GSK3B: variants seen among roughly 807,000 people sequenced by gnomAD.
GSK3B encodes the protein glycogen synthase kinase-3 beta.
In GSK3B, 15 loss-of-function variants were observed where a neutral mutation model predicts 56.4. The observed-to-expected ratio is 0.27, with a 90% CI of 0.18 to 0.41. The LOEUF (loss-of-function observed/expected upper bound fraction) is 0.41. Among genes scored for constraint, GSK3B ranks in the 10% least tolerant of loss-of-function variants. The pLI is 1.00. For synonymous variants in GSK3B, 181 were observed against 188.9 expected (o/e 0.96, Z 0.34); for missense variants, 300 against 513.4 (o/e 0.58, Z 4.02).
intron 1 of GSK3B, among the ~76,000 whole-genome samples, chr3:120,086,018 AC>A (rs2058460657): frequency 2.0e-5 from 3 of 152,138 alleles, no homozygotes; most frequent in Admixed American, 2.0e-4. Flanking sequence ...CAATTAAGAT[AC>A]CCAGCTTTTC....
At chr3:119,979,872 T>C (rs79968834) in intron 2 of GSK3B, among the ~76,000 whole-genome samples, 3,425 of 152,262 alleles carry the variant, frequency 0.022, 106 homozygotes, top group African/African-American at 0.077. Context: ...CCTCTCAAAA[T>C]CTTTGTATTT....
chr3:119,843,989 G>C (rs925009929), intron 9 of GSK3B, among the ~76,000 whole-genome samples: 1 of 152,142 alleles, frequency 6.6e-6, no homozygotes, highest in Non-Finnish European at 1.5e-5. Context: ...AGACTACAGT[G>C]AATCAAATTA....
At chr3:120,006,965 A>G (rs1559873641) in intron 1 of GSK3B, among the ~76,000 whole-genome samples, 1 of 152,080 alleles carries the variant, frequency 6.6e-6, no homozygotes, top group African/African-American at 2.4e-5. Context: ...AAAAAAAAAA[A>G]TAAATGAATC....
intron 1 of GSK3B, among the ~76,000 whole-genome samples, chr3:120,072,168 C>T (rs1053471742): frequency 4.6e-5 from 7 of 152,178 alleles, no homozygotes; most frequent in African/African-American, 1.7e-4. Flanking sequence ...TAAACTGACA[C>T]TTAAAACACT....
chr3:120,062,858 C>T (rs905501485), intron 1 of GSK3B, among the ~76,000 whole-genome samples: 4 of 152,014 alleles, frequency 2.6e-5, no homozygotes, highest in Non-Finnish European at 4.4e-5. Flanking sequence ...TAAGTTTGAG[C>T]CTACAGAGAA....
At chr3:120,011,208 C>T (rs758789672) in intron 1 of GSK3B, among the ~76,000 whole-genome samples, 1 of 152,184 alleles carries the variant, frequency 6.6e-6, no homozygotes, top group Non-Finnish European at 1.5e-5. Context: ...ACAGGAGCCC[C>T]ACCTTTGTAT....
rs1221060200 is a variant in GSK3B at position 120,026,568 on chromosome 3, C to CT, written c.89-24330dup. On this transcript the variant is annotated intron_variant, in intron 1 of 10. Coordinates refer to ENST00000264235, the MANE Select transcript of GSK3B (RefSeq NM_001146156.2). ...ACACACACACAAACACACACACACT[C>CT]TTTTTTTTTTTCTTTGAGACGGAGT... is the stretch of plus-strand genomic sequence containing the variant. Among the ~76,000 whole-genome samples, 681 of 144,258 alleles carry CT rather than the reference C, an allele frequency of 4.7e-3. 7 individuals are homozygous for CT. The highest frequency in any genetic ancestry group is 0.016 in the African/African-American group (619 of 39,140). The allele number at this position is 144,258 out of a possible 152,430, so 94.6% of individuals were successfully genotyped here. A position where few individuals can be genotyped will look rare whatever the true frequency, so the allele number is the denominator to read the frequency against.
intron 4 of GSK3B, among the ~76,000 whole-genome samples, chr3:119,921,769 T>C (rs78046716): frequency 6.6e-6 from 1 of 152,292 alleles, no homozygotes; most frequent in African/African-American, 2.4e-5. Flanking sequence ...AAATATAAAC[T>C]GGGTATCTAA....
At chr3:119,991,510 C>CAAAAA (rs61063108) in intron 2 of GSK3B, among the ~76,000 whole-genome samples, 1 of 78,936 alleles carries the variant, frequency 1.3e-5, no homozygotes, top group African/African-American at 4.5e-5. Context: ...TACTATTCAC[C>CAAAAA]AAAAAAAAAA....
At chr3:119,923,962 T>C (rs1419214808) in intron 3 of GSK3B, among the ~76,000 whole-genome samples, 1 of 152,118 alleles carries the variant, frequency 6.6e-6, no homozygotes, top group Admixed American at 6.6e-5. Context: ...AACTACAATA[T>C]GAAAAGTCAG....
intron 1 of GSK3B, among the ~76,000 whole-genome samples, chr3:120,018,790 G>C (rs1169989382): frequency 6.6e-6 from 1 of 152,100 alleles, no homozygotes; most frequent in Non-Finnish European, 1.5e-5. Flanking sequence ...CTACCTGAGA[G>C]ACAAATCATC....
intron 2 of GSK3B, among the ~76,000 whole-genome samples, chr3:119,990,357 C>A (rs560259337): frequency 4.7e-4 from 72 of 152,290 alleles, no homozygotes; most frequent in Non-Finnish European, 8.5e-4. Flanking sequence ...TACTCTTAGT[C>A]TGTAAGAGAA....
rs190115803 is a variant in GSK3B, at chr3:119,827,957, A to G, written c.1196-1102T>C. Among the ~76,000 whole-genome samples the G allele has an allele frequency of 3.8e-3, 576 of 152,338 alleles. 2 individuals are homozygous for G. Among genetic ancestry groups the G allele is most frequent in the Middle Eastern group, 0.017 (5 of 294 alleles). On this transcript the variant is annotated intron_variant, in intron 10 of 10. Transcript: ENST00000264235. ...TAATTTAATTGTACATTTTAAAATA[A>G]CAAAGTATGACTGGATTGTTTGTAA...
chr3:119,886,292 G>C (rs886580701), intron 7 of GSK3B, among the ~76,000 whole-genome samples: 1 of 152,084 alleles, frequency 6.6e-6, no homozygotes, highest in Admixed American at 6.6e-5. Flanking sequence ...TGAAAAAAAT[G>C]CTTCACATCA....
At chr3:119,849,084 G>A (rs1559806886) in intron 9 of GSK3B, among the ~76,000 whole-genome samples, 1 of 152,080 alleles carries the variant, frequency 6.6e-6, no homozygotes, top group Non-Finnish European at 1.5e-5. Context: ...CAATTGTGAT[G>A]GCTGAAAACT....
Position 119,978,425 on chromosome 3 carries a change from T to C in GSK3B, c.282+23621A>G, listed in dbSNP as rs73854755. Among the ~76,000 whole-genome samples the C allele has an allele frequency of 6.3e-3, 962 of 152,172 alleles. 12 individuals carry two copies. The highest frequency in any genetic ancestry group is 0.02 in the African/African-American group (822 of 41,490). On this transcript the variant is annotated intron_variant, in intron 2 of 10. Transcript: ENST00000264235. ...ACTTCTTAACGAAATCGGCCAGGAG[T>C]GCCTCTCAGGTTTTGTCTAAAATAA... is the stretch of plus-strand genomic sequence containing the variant.
intron 3 of GSK3B, among the ~76,000 whole-genome samples, chr3:119,934,166 C>T (rs2107477588): frequency 6.6e-6 from 1 of 152,224 alleles, no homozygotes; most frequent in South Asian, 2.1e-4. Context: ...ATAGTGACTT[C>T]CTTCCAAGGA....
At position 119,824,580 on chromosome 3, in the gene GSK3B, A is replaced by C. The variant is rs539508225; in HGVS notation, c.*2208T>G. ...ACCTGCCTTTTCAGATTCTTTATAAATTCTGTCTGAAAATGGTCTATCAAC... is the reference window on the plus strand; with the variant it reads ...ACCTGCCTTTTCAGATTCTTTATAACTTCTGTCTGAAAATGGTCTATCAAC... On this transcript the variant is annotated 3_prime_UTR_variant, in exon 11 of 11. Transcript: ENST00000264235. The C allele has an allele frequency of 9.2e-5, 19 of 207,644 alleles. No individual in the cohort carries two copies. The highest frequency in any genetic ancestry group is 3.9e-4 in the African/African-American group (17 of 43,956). 12.9% of individuals were successfully genotyped at this position (207,644 alleles called of 1,614,324 possible).
chr3:119,866,246 C>T (rs771238529), intron 8 of GSK3B, among the ~76,000 whole-genome samples: 17 of 151,742 alleles, frequency 1.1e-4, no homozygotes, highest in Non-Finnish European at 1.5e-4. Flanking sequence ...AAGAAGCTTC[C>T]GCTGTCACTT....
Sources: gnomAD v4.1 joint callset for allele counts (sites outside exome capture counted in the v4.1 genomes callset) on GRCh38, gnomAD v4.1.1 for gene constraint, MANE v1.5 for transcripts, NCBI Gene and HGNC (gene_info 2026-07-23, HGNC 2026-07-21) for gene names.